BMPR2: variants seen among roughly 807,000 people sequenced by gnomAD.
BMPR2 encodes bone morphogenetic protein receptor type 2.
BMPR2 carries 29 observed loss-of-function variants against 100.8 expected under a neutral mutation model. The observed-to-expected ratio is 0.29, with a 90% CI of 0.21 to 0.39. The LOEUF (loss-of-function observed/expected upper bound fraction) is 0.39. BMPR2 is among the 10% of genes least tolerant of loss of function. BMPR2 has a pLI of 1.00. For missense variants in BMPR2, 1,011 were observed against 1,274.5 expected (o/e 0.79, Z 3.15); for synonymous variants, 382 against 442.3 (o/e 0.86, Z 1.71).
At chr2:202,518,459 T>G (rs1687757224) in intron 5 of BMPR2, among the ~76,000 whole-genome samples, 1 of 152,086 alleles carries the variant, frequency 6.6e-6, no homozygotes, top group Admixed American at 6.6e-5. Context: ...TCTTTAGCAA[T>G]TTTAGTTCCA....
At chr2:202,475,511 A>G (rs1692528828) in intron 3 of BMPR2, among the ~76,000 whole-genome samples, 1 of 152,228 alleles carries the variant, frequency 6.6e-6, no homozygotes, top group African/African-American at 2.4e-5. Context: ...TTAATGCAGT[A>G]GTAACAAAAT....
rs537171956 is a variant in BMPR2, at chr2:202,430,816, A to G, written c.77-33993A>G. Among the ~76,000 whole-genome samples, 34 of 150,140 alleles carry G rather than the reference A, an allele frequency of 2.3e-4. 3 individuals are homozygous for G. The highest frequency in any genetic ancestry group is 7.6e-4 in the African/African-American group (30 of 39,552). ...CTCTACTAAAAATACAAAATTAGCC[A>G]GGTGTGGTGGCACATGCCTGTAATC... is the stretch of plus-strand genomic sequence containing the variant. On this transcript the variant is annotated intron_variant, in intron 1 of 12. Coordinates refer to ENST00000374580, the MANE Select transcript of BMPR2 (RefSeq NM_001204.7).
In BMPR2 at chr2:202,520,166, G is replaced by A. The variant is rs1085307274; in HGVS notation, c.932G>A (p.Gly311Glu). ...CGTCTTGCTCATTCTGTTACTAGAGGACTGGCTTATCTTCACACAGAATTA... is the reference window on the plus strand; with the variant it reads ...CGTCTTGCTCATTCTGTTACTAGAGAACTGGCTTATCTTCACACAGAATTA... ...SCRLAHSVTR[G>E]LAYLHTELPR... Residue 311 changes from glycine to glutamate, a missense_variant, in exon 7 of 13, where the codon GGA (glycine) becomes GAA (glutamate). Transcript: ENST00000374580. The A allele has an allele frequency of 6.2e-7, 1 of 1,613,616 alleles. No individual in the cohort carries two copies. The highest frequency in any genetic ancestry group is 8.5e-7 in the Non-Finnish European group (1 of 1,179,848).
chr2:202,544,463 C>T (rs1688337413), intron 10 of BMPR2, among the ~76,000 whole-genome samples: 1 of 152,128 alleles, frequency 6.6e-6, no homozygotes, highest in Non-Finnish European at 1.5e-5. Flanking sequence ...ACTACTACTC[C>T]ATCATTCTCT....
chr2:202,452,413 A>G (rs1236650766), intron 1 of BMPR2, among the ~76,000 whole-genome samples: 1 of 152,176 alleles, frequency 6.6e-6, no homozygotes, highest in Non-Finnish European at 1.5e-5. Context: ...TTGTAAATAA[A>G]TTGCTATTGT....
intron 10 of BMPR2, among the ~76,000 whole-genome samples, chr2:202,545,854 T>C (rs1459508062): frequency 6.6e-6 from 1 of 152,208 alleles, no homozygotes; most frequent in Non-Finnish European, 1.5e-5. Flanking sequence ...AGGTCCCTGA[T>C]AGCAAGTGAG....
Position 202,422,962 on chromosome 2 carries a change from G to GCCACTGCAC in BMPR2, c.77-41844_77-41836dup, listed in dbSNP as rs1691299793. ...CAAAGTGCTGGGATTACAGGCATGA[G>GCCACTGCAC]CCACTGCACCCGGCCTGTATATTCT... On this transcript the variant is annotated intron_variant, in intron 1 of 12. Coordinates refer to ENST00000374580, the MANE Select transcript of BMPR2 (RefSeq NM_001204.7). 2.6e-5 allele frequency among the ~76,000 whole-genome samples: 4 copies of GCCACTGCAC among 152,346 alleles called. 1 individual carries two copies. In the South Asian group the frequency reaches 8.3e-4, roughly 32 times the overall value.
chr2:202,550,537 T>G (rs923095485), intron 10 of BMPR2, among the ~76,000 whole-genome samples: 2 of 152,056 alleles, frequency 1.3e-5, no homozygotes, highest in Admixed American at 6.6e-5. Flanking sequence ...AATTATCATT[T>G]TATGCTTTTC....
chr2:202,439,376 T>A (rs1691683982), intron 1 of BMPR2, among the ~76,000 whole-genome samples: 1 of 147,776 alleles, frequency 6.8e-6, no homozygotes, highest in African/African-American at 2.6e-5. Context: ...TAGGATTTGC[T>A]TATATACAAG....
intron 3 of BMPR2, among the ~76,000 whole-genome samples, chr2:202,482,793 C>G (rs528846889): frequency 1.2e-3 from 190 of 152,250 alleles, no homozygotes; most frequent in African/African-American, 4.4e-3. Flanking sequence ...CCTGCCTCGG[C>G]CTCTCAAAGT....
intron 1 of BMPR2, among the ~76,000 whole-genome samples, chr2:202,388,816 C>G (rs1371113382): frequency 6.6e-6 from 1 of 150,638 alleles, no homozygotes; most frequent in African/African-American, 2.4e-5. Context: ...AGATTTTAGT[C>G]TTAGGTTTTT....
chr2:202,466,859 A>G (rs531637512), intron 2 of BMPR2, among the ~76,000 whole-genome samples: 2 of 151,636 alleles, frequency 1.3e-5, no homozygotes, highest in African/African-American at 4.8e-5. Context: ...TGGCTTCCCA[A>G]CGTGCTGGGA....
chr2:202,414,917 T>C (rs1691093136), intron 1 of BMPR2, among the ~76,000 whole-genome samples: 1 of 151,990 alleles, frequency 6.6e-6, no homozygotes, highest in Non-Finnish European at 1.5e-5. Flanking sequence ...TTTTTGTATT[T>C]TTAGTAGAGA....
In BMPR2 at chr2:202,553,017, A is replaced by T. The variant is rs545403770; in HGVS notation, c.1586+129A>T. On this transcript the variant is annotated intron_variant, in intron 11 of 12. Transcript: ENST00000374580. ...TTACCTCATACAATCTAAAGTTATC[A>T]TTTTTCTTTCAATATTCCTATTCTT... The T allele has an allele frequency of 2.4e-6, 3 of 1,231,100 alleles. No homozygotes were observed. The East Asian group carries it at 7.6e-5, about 31-fold the overall frequency. The allele number at this position is 1,231,100 out of a possible 1,614,324, so 76.3% of individuals were successfully genotyped here. A position where few individuals can be genotyped will look rare whatever the true frequency, so the allele number is the denominator to read the frequency against.
intron 3 of BMPR2, among the ~76,000 whole-genome samples, chr2:202,492,337 G>A (rs750114125): frequency 6.6e-6 from 1 of 151,760 alleles, no homozygotes; most frequent in Non-Finnish European, 1.5e-5. Flanking sequence ...CGTGTATAAT[G>A]CTTATACATT....
intron 1 of BMPR2, among the ~76,000 whole-genome samples, chr2:202,397,133 A>T (rs1690671203): frequency 6.6e-6 from 1 of 152,150 alleles, no homozygotes; most frequent in Non-Finnish European, 1.5e-5. Flanking sequence ...TTGAATCTCC[A>T]GTATAATAAA....
intron 1 of BMPR2, among the ~76,000 whole-genome samples, chr2:202,460,046 A>G (rs1692196086): frequency 6.6e-6 from 1 of 152,246 alleles, no homozygotes; most frequent in African/African-American, 2.4e-5. Flanking sequence ...ATGCAAATCA[A>G]AGTCACAACG....
chr2:202,457,557 TATATAGAGAGAGAGAGAG>T (rs1160904982), intron 1 of BMPR2, among the ~76,000 whole-genome samples: 22 of 100,804 alleles, frequency 2.2e-4, no homozygotes, highest in East Asian at 1.7e-3. Context: ...TATATATATA[TATATAGAGAGAGAGAGAG>T]AGAGAGAGAG....
Position 202,530,946 on chromosome 2 carries a change from A to G in BMPR2, c.1120A>G (p.Ile374Val), listed in dbSNP as rs761008478. 7 of 1,614,078 alleles carry G rather than the reference A, an allele frequency of 4.3e-6. No homozygotes were observed. In the South Asian group the frequency reaches 4.4e-5, roughly 10 times the overall value. Residue 374 changes from isoleucine (I) to valine (V), a missense_variant, in exon 8 of 13, where the codon ATA (isoleucine) becomes GTA (valine). Physicochemically the swap from Ile to Val is conservative, Grantham distance 29 (BLOSUM62 3). Transcript: ENST00000374580. ...CCCAGGGGAGGAAGATAATGCAGCC[A>G]TAAGCGAGGTGAGTGTATACAAAAG... ...VRPGEEDNAAISEVGTIRYMA... is the reference protein window; with the variant it reads ...VRPGEEDNAAVSEVGTIRYMA...
Sources: gnomAD v4.1 joint callset for allele counts (sites outside exome capture counted in the v4.1 genomes callset) on GRCh38, gnomAD v4.1.1 for gene constraint, MANE v1.5 for transcripts, NCBI Gene and HGNC (gene_info 2026-07-23, HGNC 2026-07-21) for gene names.